REPS1: variants seen among roughly 807,000 people sequenced by gnomAD.
REPS1 encodes ralBP1-associated Eps domain-containing protein 1.
A neutral mutation model predicts 100.9 loss-of-function variants in REPS1; 39 were observed. The ratio of observed to expected loss-of-function variants is 0.39; its 90% CI spans 0.30 to 0.50. The LOEUF is 0.50. REPS1 is among the 20% of genes least tolerant of loss of function. The pLI is 0.86. For synonymous variants in REPS1, 324 were observed against 340.3 expected (o/e 0.95, Z 0.53); for missense variants, 821 against 968.5 (o/e 0.85, Z 2.02).
Position 138,914,717 on chromosome 6 carries a change from G to C in REPS1, c.1765C>G (p.Pro589Ala), listed in dbSNP as rs1351956413. Residue 589 changes from proline to alanine, a missense_variant, in exon 15 of 20, where the codon CCA becomes GCA. By Grantham distance (27) the Pro-to-Ala change is conservative. Around this residue, in one of 3 missense-constraint regions of REPS1, gnomAD observed 757 missense variants for 866.4 expected, o/e 0.87. Coordinates refer to ENST00000450536, the MANE Select transcript of REPS1 (RefSeq NM_001286611.2). ...ATTACCTGTGAGGGCTGTGGTCTTG[G>C]AGGCACTGCAGGAGGATGGGCAACA... Reference protein sequence around the residue: ...GVVAHPPAVPPRPQPSQAPGP... With the variant: ...GVVAHPPAVPARPQPSQAPGP... The C allele has an allele frequency of 6.2e-7, 1 of 1,613,518 alleles. No individual in the cohort carries two copies. The highest frequency in any genetic ancestry group is 1.1e-5 in the South Asian group (1 of 90,900).
At chr6:138,910,118 T>C (rs1161245322) in intron 17 of REPS1, among the ~76,000 whole-genome samples, 1 of 152,180 alleles carries the variant, frequency 6.6e-6, no homozygotes. Context: ...TGGAGATAGA[T>C]CCCTTGTGAA....
intron 1 of REPS1, among the ~76,000 whole-genome samples, chr6:138,970,324 G>C (rs1784271541): frequency 6.6e-6 from 1 of 152,044 alleles, no homozygotes; most frequent in Admixed American, 6.6e-5. Flanking sequence ...GGACGTTAAA[G>C]ACAGAGTATT....
intron 1 of REPS1, among the ~76,000 whole-genome samples, chr6:138,950,464 G>A (rs1782944161): frequency 6.6e-6 from 1 of 151,952 alleles, no homozygotes; most frequent in South Asian, 2.1e-4. Flanking sequence ...CTGGGCAACA[G>A]AGCAAGACTC....
chr6:138,911,091 C>A, intron 17 of REPS1, 185 bp downstream of exon 17: 1 of 522,594 alleles, frequency 1.9e-6, no homozygotes, highest in Non-Finnish European at 3.4e-6. Flanking sequence ...GTGACACATA[C>A]TTAACATAGA....
chr6:138,930,552 C>T (rs1480484993), intron 8 of REPS1, among the ~76,000 whole-genome samples: 1 of 152,070 alleles, frequency 6.6e-6, no homozygotes, highest in Non-Finnish European at 1.5e-5. Context: ...TATATCAAGA[C>T]TTGTGATGTC....
At chr6:138,981,693 T>C (rs111968435) in intron 1 of REPS1, among the ~76,000 whole-genome samples, 3 of 152,314 alleles carry the variant, frequency 2.0e-5, no homozygotes, top group African/African-American at 7.2e-5. Flanking sequence ...GATACTCTCA[T>C]TTGAGTCAGA....
chr6:138,979,191 A>AAC (rs1299320220), intron 1 of REPS1, among the ~76,000 whole-genome samples: 15 of 147,928 alleles, frequency 1.0e-4, no homozygotes, highest in East Asian at 2.0e-4. Flanking sequence ...AAAAAAAAAA[A>AAC]AAAAAACAAA....
intron 1 of REPS1, among the ~76,000 whole-genome samples, chr6:138,952,433 C>G (rs1452988569): frequency 6.6e-6 from 1 of 151,336 alleles, no homozygotes; most frequent in African/African-American, 2.4e-5. Context: ...GAGTCCTGCT[C>G]TGTCACCCAG....
At chr6:138,972,569 T>G (rs1466432291) in intron 1 of REPS1, among the ~76,000 whole-genome samples, 1 of 151,968 alleles carries the variant, frequency 6.6e-6, no homozygotes, top group African/African-American at 2.4e-5. Flanking sequence ...TTATTTAGAC[T>G]ACATGCTTGT....
intron 11 of REPS1, among the ~76,000 whole-genome samples, chr6:138,920,621 GCTGA>G (rs1780694483): frequency 6.6e-6 from 1 of 152,026 alleles, no homozygotes; most frequent in African/African-American, 2.4e-5. Flanking sequence ...AATTTATAAC[GCTGA>G]CTTACACAAA....
chr6:138,924,447 T>C (rs1780971619), intron 10 of REPS1, among the ~76,000 whole-genome samples: 1 of 152,216 alleles, frequency 6.6e-6, no homozygotes, highest in African/African-American at 2.4e-5. Flanking sequence ...ACCAACTATT[T>C]CTCTACATTT....
chr6:138,926,218 A>G (rs1227363710), intron 10 of REPS1, among the ~76,000 whole-genome samples, 183 bp downstream of exon 10: 1 of 152,222 alleles, frequency 6.6e-6, no homozygotes, highest in Non-Finnish European at 1.5e-5. Context: ...CAACAAAATA[A>G]CTAGAAAAAA....
rs140703736 is a variant in REPS1 at position 138,979,095 on chromosome 6, C to T, written c.153+8435G>A. 4.2e-3 allele frequency among the ~76,000 whole-genome samples: 614 copies of T among 147,012 alleles called. 6 individuals carry two copies. The highest frequency in any genetic ancestry group is 0.014 in the African/African-American group (568 of 39,432). On this transcript the variant is annotated intron_variant, in intron 1 of 19. Transcript: ENST00000450536. ...ACTCTGATGGCTGAGGCAGGAGAAT[C>T]GCTTCAACCCGGGAGGCGGAGGTTG...
intron 10 of REPS1, among the ~76,000 whole-genome samples, chr6:138,924,031 T>C (rs1582740078): frequency 6.6e-6 from 1 of 152,146 alleles, no homozygotes; most frequent in African/African-American, 2.4e-5. Flanking sequence ...CTACAGGCTG[T>C]AGTGGGTCTG....
chr6:138,913,703 G>A (rs921692177), intron 15 of REPS1, among the ~76,000 whole-genome samples: 6 of 152,110 alleles, frequency 3.9e-5, no homozygotes, highest in African/African-American at 1.2e-4. Flanking sequence ...TTCTTACTAC[G>A]ATATGGACAG....
chr6:138,987,357 T>C (rs190611477), intron 1 of REPS1, among the ~76,000 whole-genome samples, 173 bp downstream of exon 1: 1 of 152,110 alleles, frequency 6.6e-6, no homozygotes, highest in Admixed American at 6.5e-5. Context: ...CCCCTCCCCC[T>C]TGGCCGCGGC....
At chr6:138,908,111 G>A (rs995649401) in intron 18 of REPS1, among the ~76,000 whole-genome samples, 11 of 152,072 alleles carry the variant, frequency 7.2e-5, no homozygotes, top group African/African-American at 2.7e-4. Context: ...TAAAATACCA[G>A]TTTTACTATA....
chr6:138,980,516 C>G (rs1468449071), intron 1 of REPS1, among the ~76,000 whole-genome samples: 1 of 151,830 alleles, frequency 6.6e-6, no homozygotes, highest in Non-Finnish European at 1.5e-5. Context: ...TCCCAGTTCT[C>G]TCTATATGAA....
rs1468264284 is a variant in REPS1 at position 138,912,769 on chromosome 6, A to C, written c.1967T>G (p.Leu656Arg). 4 of 1,614,084 alleles carry C rather than the reference A, an allele frequency of 2.5e-6. No homozygotes were observed. The highest frequency in any genetic ancestry group is 3.4e-6 in the Non-Finnish European group (4 of 1,180,034). The change falls in exon 16 of 20, where the codon CTG becomes CGG. Residue 656 changes from leucine (L) to arginine (R), a missense_variant. By Grantham distance (102) the Leu-to-Arg change is moderately radical. This residue lies in a region of REPS1 where 757 missense variants were observed against 866.4 expected (regional missense o/e 0.87). Transcript: ENST00000450536. Reference protein sequence around the residue: ...DDEAEKHPEVLPAEKASDPAS... With the variant: ...DDEAEKHPEVRPAEKASDPAS... ...GCCAAGCCCTCGAAAACTGACCGGC[A>C]GGACTTCTGGATGTTTCTCGGCTTC...
Sources: allele counts gnomAD v4.1 joint callset (sites outside exome capture counted in the v4.1 genomes callset), GRCh38; gene constraint gnomAD v4.1.1; regional missense constraint gnomAD v4.1.1; transcripts MANE v1.5; gene names NCBI Gene and HGNC (gene_info 2026-07-23, HGNC 2026-07-21).